BEND5: variants seen among roughly 807,000 people sequenced by gnomAD.
BEND5 encodes BEN domain-containing protein 5.
Under a neutral mutation model 43.9 loss-of-function variants are expected in BEND5, and 22 were observed. The ratio of observed to expected loss-of-function variants is 0.50; its 90% CI spans 0.36 to 0.72. The LOEUF is 0.72. Ranked by LOEUF, BEND5 falls within the 30% of genes least tolerant of loss-of-function variation. BEND5 has a pLI of 0.00. For missense variants in BEND5, 428 were observed against 550.6 expected, an observed-to-expected ratio of 0.78 and a Z score of 2.23; for synonymous variants, 228 against 225.9, an observed-to-expected ratio of 1.01 and a Z score of -0.08.
intron 5 of BEND5, among the ~76,000 whole-genome samples, chr1:48,729,821 C>T (rs903251427): frequency 2.6e-5 from 4 of 151,936 alleles, no homozygotes; most frequent in Admixed American, 1.3e-4. Flanking sequence ...TAATTGACCT[C>T]GACCAGTCAC....
intron 4 of BEND5, among the ~76,000 whole-genome samples, chr1:48,740,637 T>A (rs925500875): frequency 2.6e-5 from 4 of 152,166 alleles, no homozygotes; most frequent in Non-Finnish European, 4.4e-5. Context: ...TGGAACTTGA[T>A]CAAAATATAT....
intron 1 of BEND5, 88 bp downstream of exon 1, chr1:48,776,518 C>T: frequency 1.0e-6 from 1 of 995,660 alleles, no homozygotes; most frequent in Non-Finnish European, 1.4e-6. Flanking sequence ...AGTGGCTCCC[C>T]CCGGTCCCCT....
intron 5 of BEND5, among the ~76,000 whole-genome samples, chr1:48,734,425 G>A (rs1000148165): frequency 3.3e-5 from 5 of 152,142 alleles, no homozygotes; most frequent in African/African-American, 9.7e-5. Flanking sequence ...CTCACCAAGA[G>A]CACTGTATCA....
chr1:48,752,671 G>T (rs568060808), intron 3 of BEND5, among the ~76,000 whole-genome samples: 2 of 152,160 alleles, frequency 1.3e-5, no homozygotes, highest in Non-Finnish European at 2.9e-5. Context: ...ATCTTCAAAT[G>T]ATTCTATATC....
intron 1 of BEND5, among the ~76,000 whole-genome samples, chr1:48,763,291 T>C (rs1644368674): frequency 6.6e-6 from 1 of 152,216 alleles, no homozygotes; most frequent in African/African-American, 2.4e-5. Context: ...CTTGCACTCA[T>C]TGTGCCTATA....
intron 3 of BEND5, among the ~76,000 whole-genome samples, chr1:48,757,261 A>G (rs369137328): frequency 3.7e-4 from 57 of 152,288 alleles, no homozygotes; most frequent in African/African-American, 1.3e-3. Context: ...ATTGGGAAAC[A>G]TTTTTTCTCT....
chr1:48,731,469 A>C (rs1557915114), intron 5 of BEND5, among the ~76,000 whole-genome samples: 1 of 152,176 alleles, frequency 6.6e-6, no homozygotes, highest in African/African-American at 2.4e-5. Flanking sequence ...AGGCAAAGAT[A>C]CAGTAAGAAG....
At chr1:48,756,189 T>C (rs1305882906) in intron 3 of BEND5, among the ~76,000 whole-genome samples, 2 of 152,212 alleles carry the variant, frequency 1.3e-5, no homozygotes, top group Admixed American at 1.3e-4. Context: ...TTTGCCTAAA[T>C]TGCTCCTTAC....
At chr1:48,775,651 G>A (rs1645041970) in intron 1 of BEND5, among the ~76,000 whole-genome samples, 1 of 152,076 alleles carries the variant, frequency 6.6e-6, no homozygotes, top group Non-Finnish European at 1.5e-5. Context: ...TGGGAAAGAG[G>A]GCCAGCTGTC....
chr1:48,776,558 C>G, intron 1 of BEND5, 48 bp downstream of exon 1: 5 of 1,109,000 alleles, frequency 4.5e-6, no homozygotes, highest in Non-Finnish European at 4.8e-6. Context: ...CTCCCGGGGT[C>G]CCAGCCCCCG....
chr1:48,738,461 C>T (rs1345252729), intron 4 of BEND5, among the ~76,000 whole-genome samples: 2 of 152,206 alleles, frequency 1.3e-5, no homozygotes, highest in Non-Finnish European at 2.9e-5. Context: ...GGCCTTTTCT[C>T]CGCAGTTCGA....
chr1:48,762,237 G>A (rs1199529421), intron 1 of BEND5, among the ~76,000 whole-genome samples: 1 of 152,202 alleles, frequency 6.6e-6, no homozygotes, highest in Non-Finnish European at 1.5e-5. Flanking sequence ...CATACTGAAT[G>A]TAAAGTGCTA....
At chr1:48,749,342 A>G (rs1651288918) in intron 3 of BEND5, among the ~76,000 whole-genome samples, 1 of 152,198 alleles carries the variant, frequency 6.6e-6, no homozygotes, top group South Asian at 2.1e-4. Context: ...CTATATCCCC[A>G]GCACCCAGCG....
Position 48,750,726 on chromosome 1 carries a change from G to C in BEND5, c.746-7955C>G, listed in dbSNP as rs77650759. Among the ~76,000 whole-genome samples, 1,042 of 152,326 alleles carry C rather than the reference G, an allele frequency of 6.8e-3. 13 individuals are homozygous for C. The highest frequency in any genetic ancestry group is 0.024 in the African/African-American group (1,009 of 41,564). On this transcript the variant is annotated intron_variant, in intron 3 of 5. Transcript: ENST00000371833. Reference sequence around the variant, plus strand: ...TCAGAGCTATCCAATAATGAGATAGGCTGCACTGGAAGGCAGTGAGTGAGC... The same window carrying C: ...TCAGAGCTATCCAATAATGAGATAGCCTGCACTGGAAGGCAGTGAGTGAGC...
intron 1 of BEND5, 43 bp downstream of exon 1, chr1:48,776,562 GC>G: frequency 3.0e-6 from 3 of 1,016,242 alleles, no homozygotes; most frequent in East Asian, 4.7e-5. Flanking sequence ...CGGGGTCCCA[GC>G]CCCCGCCCGG....
At chr1:48,754,980 C>T (rs1652322532) in intron 3 of BEND5, among the ~76,000 whole-genome samples, 2 of 152,176 alleles carry the variant, frequency 1.3e-5, no homozygotes, top group South Asian at 4.1e-4. Flanking sequence ...AGTCTATAGC[C>T]TAAGTTCTTT....
intron 4 of BEND5, among the ~76,000 whole-genome samples, chr1:48,740,499 A>T (rs1649749623): frequency 6.6e-6 from 1 of 152,230 alleles, no homozygotes; most frequent in African/African-American, 2.4e-5. Flanking sequence ...AAAGAAACAC[A>T]ATGCACTTTA....
In BEND5 at chr1:48,736,150, A is replaced by T. The variant is rs1346425283; in HGVS notation, c.1108+89T>A. 5.6e-6 allele frequency: 8 copies of T among 1,433,116 alleles called. No homozygotes were observed. The highest frequency in any genetic ancestry group is 7.8e-6 in the Non-Finnish European group (8 of 1,023,172). 88.8% of individuals were successfully genotyped at this position (1,433,116 alleles called of 1,614,324 possible). On this transcript the variant is annotated intron_variant, in intron 5 of 5. Coordinates refer to ENST00000371833, the MANE Select transcript of BEND5 (RefSeq NM_024603.4). This position sits in a 1 kb window ranked among gnomAD's most constrained non-coding sequence, Gnocchi z 4.0. The stretch of plus-strand genomic sequence containing the variant: ...GGGTCTGGCATGCAGAAGCTTCATA[A>T]GTAATCGTTGAATTGAATTGTGCCT...
chr1:48,768,340 A>G (rs1372713857), intron 1 of BEND5, among the ~76,000 whole-genome samples: 1 of 152,174 alleles, frequency 6.6e-6, no homozygotes, highest in Non-Finnish European at 1.5e-5. Flanking sequence ...GGAAGCCACA[A>G]AGCTCTAAAT....
Sources: allele counts gnomAD v4.1 joint callset (sites outside exome capture counted in the v4.1 genomes callset), GRCh38; gene constraint gnomAD v4.1.1; non-coding constraint Gnocchi (gnomAD v3.1); transcripts MANE v1.5; gene names NCBI Gene and HGNC (gene_info 2026-07-23, HGNC 2026-07-21).